INTS7: variants seen among roughly 807,000 people sequenced by gnomAD.
The protein encoded by INTS7 is chromosome 1 open reading frame 73.
INTS7 carries 46 observed loss-of-function variants against 109.2 expected under a neutral mutation model. That is an observed-to-expected ratio of 0.42 (90% CI 0.33 to 0.54). The LOEUF is 0.54. Ranked by LOEUF, INTS7 falls within the 20% of genes least tolerant of loss-of-function variation. The probability of loss-of-function intolerance (pLI) is 0.07; values close to 1 mark genes in which losing one functional copy is unlikely to be tolerated. For missense variants in INTS7, 929 were observed against 1,132.4 expected, an observed-to-expected ratio of 0.82 and a Z score of 2.58; for synonymous variants, 412 against 402.9, an observed-to-expected ratio of 1.02 and a Z score of -0.27.
At chr1:211,972,687 T>TA (rs1664233118) in intron 13 of INTS7, among the ~76,000 whole-genome samples, 1 of 152,184 alleles carries the variant, frequency 6.6e-6, no homozygotes, top group South Asian at 2.1e-4. Context: ...TGACTTTATA[T>TA]TAGTAGAAAG....
At chr1:212,004,379 T>C (rs1325827182) in intron 7 of INTS7, among the ~76,000 whole-genome samples, 1 of 152,040 alleles carries the variant, frequency 6.6e-6, no homozygotes, top group African/African-American at 2.4e-5. Context: ...ATGCTGTTTA[T>C]AAGAAACATG....
chr1:211,979,882 C>T (rs934828275), intron 10 of INTS7, among the ~76,000 whole-genome samples: 1 of 152,184 alleles, frequency 6.6e-6, no homozygotes, highest in Non-Finnish European at 1.5e-5. Flanking sequence ...CGACTCTGAC[C>T]TCTCATTAGA....
chr1:211,979,197 T>C (rs1427128648), intron 10 of INTS7, among the ~76,000 whole-genome samples: 1 of 152,224 alleles, frequency 6.6e-6, no homozygotes, highest in Non-Finnish European at 1.5e-5. Context: ...ATATCCACTG[T>C]TGGCACTTTT....
Position 212,033,463 on chromosome 1 carries a change from T to G in INTS7, c.94+1881A>C, listed in dbSNP as rs200617469. 3.7e-3 allele frequency among the ~76,000 whole-genome samples: 569 copies of G among 152,338 alleles called. 5 individuals are homozygous for G. Among genetic ancestry groups the G allele is most frequent in the African/African-American group, 0.013 (532 of 41,576 alleles). ...GAGGAGTGCAAATGATCACTTACTCTGTGTCTAAGATTGACACCTGATTTC... is the reference window on the plus strand; with the variant it reads ...GAGGAGTGCAAATGATCACTTACTCGGTGTCTAAGATTGACACCTGATTTC... On this transcript the variant is annotated intron_variant, in intron 1 of 19. Coordinates refer to ENST00000366994, the MANE Select transcript of INTS7 (RefSeq NM_015434.4).
chr1:211,968,042 A>G, intron 14 of INTS7, 61 bp from the exon 15 acceptor site: 1 of 883,262 alleles, frequency 1.1e-6, no homozygotes, highest in Non-Finnish European at 1.7e-6. Flanking sequence ...AAACAACACA[A>G]AAACCAAAAC....
At chr1:211,966,209 G>A in intron 16 of INTS7, 1 of 341,634 alleles carries the variant, frequency 2.9e-6, no homozygotes, top group Non-Finnish European at 5.3e-6. Flanking sequence ...TTCAAAGAAT[G>A]TCTTCCCAGT....
chr1:211,970,205 CAGGG>C (rs1664109351), intron 13 of INTS7, among the ~76,000 whole-genome samples: 1 of 152,112 alleles, frequency 6.6e-6, no homozygotes, highest in Non-Finnish European at 1.5e-5. Context: ...GGAGGGGTAT[CAGGG>C]GTAAGTCTTG....
chr1:211,946,341 C>T lies in INTS7; in HGVS notation c.2415+266G>A, dbSNP rs182747649. ...TTACCAAAAATAAAAAAATCAGCTGCGTGAGGTGGTGGATGCCTGTAATCC... is the reference window on the plus strand; with the variant it reads ...TTACCAAAAATAAAAAAATCAGCTGTGTGAGGTGGTGGATGCCTGTAATCC... On this transcript the variant is annotated intron_variant, in intron 18 of 19. Coordinates refer to ENST00000366994, the MANE Select transcript of INTS7 (RefSeq NM_015434.4). This position sits in a 1 kb window ranked among gnomAD's most constrained non-coding sequence, Gnocchi z 4.3. Among the ~76,000 whole-genome samples the T allele has an allele frequency of 3.2e-4, 49 of 152,074 alleles. No homozygotes were observed. Among genetic ancestry groups the T allele is most frequent in the African/African-American group, 8.9e-4 (37 of 41,492 alleles).
intron 1 of INTS7, among the ~76,000 whole-genome samples, chr1:212,027,892 T>C (rs1666997693): frequency 6.6e-6 from 1 of 151,972 alleles, no homozygotes; most frequent in African/African-American, 2.4e-5. Context: ...AGTGGCGCAA[T>C]CTCAGCTCAC....
At chr1:211,983,855 G>GT (rs35238656) in intron 8 of INTS7, among the ~76,000 whole-genome samples, 57,249 of 148,494 alleles carry the variant, frequency 0.39, 12,758 homozygotes, top group Middle Eastern at 0.53. Context: ...GTTTTGTTTT[G>GT]TTTTTTTTTT....
At chr1:211,963,388 TCA>T (rs1391843310) in intron 16 of INTS7, among the ~76,000 whole-genome samples, 4 of 151,752 alleles carry the variant, frequency 2.6e-5, no homozygotes, top group Admixed American at 2.0e-4. Context: ...CAAGATGGAT[TCA>T]CAGTCAAACT....
At chr1:211,999,684 C>G (rs1665574637) in intron 7 of INTS7, among the ~76,000 whole-genome samples, 1 of 152,138 alleles carries the variant, frequency 6.6e-6, no homozygotes, top group African/African-American at 2.4e-5. Context: ...TGCGGTCAAT[C>G]TGTACCAAGA....
chr1:211,943,322 A>G (rs1662712556), intron 19 of INTS7, among the ~76,000 whole-genome samples: 1 of 151,770 alleles, frequency 6.6e-6, no homozygotes. Context: ...CAACAAGCAG[A>G]AGACCATAGC....
chr1:211,990,913 AT>A (rs1362390292), intron 7 of INTS7, among the ~76,000 whole-genome samples: 1 of 152,200 alleles, frequency 6.6e-6, no homozygotes, highest in Non-Finnish European at 1.5e-5. Flanking sequence ...AGGCAGGATA[AT>A]TCTGGCAAAT....
At chr1:212,000,726 A>T (rs183343043) in intron 7 of INTS7, among the ~76,000 whole-genome samples, 17 of 152,320 alleles carry the variant, frequency 1.1e-4, no homozygotes, top group African/African-American at 4.1e-4. Flanking sequence ...ATACCTAATG[A>T]CCATGTTTCC....
intron 1 of INTS7, among the ~76,000 whole-genome samples, chr1:212,031,570 G>A (rs1037472410): frequency 6.6e-6 from 1 of 152,114 alleles, no homozygotes; most frequent in Non-Finnish European, 1.5e-5. Context: ...CCTGACTAAC[G>A]GCACCACATT....
chr1:211,993,848 GTAA>G (rs1036723039), intron 7 of INTS7, among the ~76,000 whole-genome samples: 10 of 151,794 alleles, frequency 6.6e-5, no homozygotes, highest in African/African-American at 2.4e-4. Context: ...TTTGACTACC[GTAA>G]TAATAATAAT....
At chr1:211,977,253 C>T (rs1664459569) in intron 11 of INTS7, among the ~76,000 whole-genome samples, 1 of 152,138 alleles carries the variant, frequency 6.6e-6, no homozygotes, top group Non-Finnish European at 1.5e-5. Flanking sequence ...TTCAACTAAA[C>T]TGTTAATACC....
In INTS7 at chr1:211,985,765, C is replaced by T. The variant is rs534681297; in HGVS notation, c.997+2121G>A. ...GAGTCTCAGTTTCAATACTTATAAACTCCTTTGCATATGCCTCACTTGAAA... is the reference window on the plus strand; with the variant it reads ...GAGTCTCAGTTTCAATACTTATAAATTCCTTTGCATATGCCTCACTTGAAA... On this transcript the variant is annotated intron_variant, in intron 8 of 19. Transcript: ENST00000366994. Among the ~76,000 whole-genome samples the T allele has an allele frequency of 2.6e-5, 4 of 152,280 alleles. No homozygotes were observed. The South Asian group carries it at 8.3e-4, about 32-fold the overall frequency.
Sources: allele counts gnomAD v4.1 joint callset (sites outside exome capture counted in the v4.1 genomes callset), GRCh38; gene constraint gnomAD v4.1.1; non-coding constraint Gnocchi (gnomAD v3.1); transcripts MANE v1.5; gene names NCBI Gene and HGNC (gene_info 2026-07-23, HGNC 2026-07-21).